WDPCP: variants seen among roughly 807,000 people sequenced by gnomAD.
WDPCP encodes WD repeat containing planar cell polarity effector.
WDPCP carries 71 observed loss-of-function variants against 93.1 expected under a neutral mutation model. The ratio of observed to expected loss-of-function variants is 0.76; its 90% CI spans 0.63 to 0.93. WDPCP has a LOEUF of 0.93. Ranked by LOEUF, WDPCP falls within the 40% of genes least tolerant of loss-of-function variation. The pLI is 0.00. For missense variants in WDPCP, 844 were observed against 887.4 expected, an observed-to-expected ratio of 0.95 and a Z score of 0.62; for synonymous variants, 315 against 315.0, an observed-to-expected ratio of 1.00 and a Z score of 0.00.
chr2:63,517,087 T>A (rs1702603500), intron 1 of WDPCP, among the ~76,000 whole-genome samples: 1 of 152,166 alleles, frequency 6.6e-6, no homozygotes. Context: ...CATCCTAATC[T>A]TTCTATTTCT....
chr2:63,837,824 G>A, the WDPCP span, among the ~76,000 whole-genome samples: 46 of 152,194 alleles, frequency 3.0e-4, no homozygotes, highest in Non-Finnish European at 5.3e-4. Context: ...AGAGAGTAGG[G>A]GCGGGCCTGT....
chr2:63,230,927 C>G (rs1678814744), intron 14 of WDPCP, among the ~76,000 whole-genome samples: 1 of 152,108 alleles, frequency 6.6e-6, no homozygotes, highest in Non-Finnish European at 1.5e-5. Context: ...TGCAGAAGCT[C>G]CTTAATTTAA....
At chr2:63,248,248 A>G (rs997570887) in intron 14 of WDPCP, among the ~76,000 whole-genome samples, 6 of 152,186 alleles carry the variant, frequency 3.9e-5, no homozygotes, top group African/African-American at 1.4e-4. Context: ...TTCTTGGTTA[A>G]TCTTTATTTT....
At chr2:63,391,020 A>C (rs932863452) in intron 10 of WDPCP, among the ~76,000 whole-genome samples, 1 of 152,144 alleles carries the variant, frequency 6.6e-6, no homozygotes, top group African/African-American at 2.4e-5. Flanking sequence ...AAAAGAGGGA[A>C]TCCTCCCTAA....
At chr2:63,186,897 C>T (rs1674684713) in intron 14 of WDPCP, among the ~76,000 whole-genome samples, 1 of 151,430 alleles carries the variant, frequency 6.6e-6, no homozygotes, top group Admixed American at 6.6e-5. Flanking sequence ...AAGAGAAGTC[C>T]TTTATTTCTT....
chr2:63,696,690 AAGAGTCAG>A (rs1451454831), intron 2 of WDPCP, among the ~76,000 whole-genome samples: 1 of 152,232 alleles, frequency 6.6e-6, no homozygotes, highest in Non-Finnish European at 1.5e-5. Context: ...TAATTGGGTA[AAGAGTCAG>A]AGTATATGAC....
chr2:63,421,683 G>C (rs1190622932), intron 9 of WDPCP, among the ~76,000 whole-genome samples: 1 of 152,122 alleles, frequency 6.6e-6, no homozygotes, highest in Non-Finnish European at 1.5e-5. Context: ...GAGTACTACA[G>C]ATTTTTAATG....
At chr2:63,448,331 T>C (rs748344127) in intron 6 of WDPCP, among the ~76,000 whole-genome samples, 1 of 152,068 alleles carries the variant, frequency 6.6e-6, no homozygotes, top group African/African-American at 2.4e-5. Context: ...CATGAAATAA[T>C]AATCTTTGAA....
chr2:63,282,775 A>G (rs1053870286), intron 13 of WDPCP, among the ~76,000 whole-genome samples: 2 of 152,190 alleles, frequency 1.3e-5, no homozygotes, highest in Admixed American at 1.3e-4. Flanking sequence ...AGTATTAATG[A>G]GGGATTTGTC....
chr2:63,671,414 G>A (rs565774568), intron 2 of WDPCP, among the ~76,000 whole-genome samples: 1 of 152,184 alleles, frequency 6.6e-6, no homozygotes, highest in Admixed American at 6.5e-5. Flanking sequence ...AACTCCAGCA[G>A]TGTAGGATGC....
chr2:63,414,838 A>T (rs1441185084), intron 9 of WDPCP, among the ~76,000 whole-genome samples: 1 of 152,178 alleles, frequency 6.6e-6, no homozygotes, highest in Admixed American at 6.5e-5. Flanking sequence ...ACTTACTCAT[A>T]TAACCAAATA....
At chr2:63,154,533 GTTTA>G (rs546927162) in intron 15 of WDPCP, among the ~76,000 whole-genome samples, 86 of 152,230 alleles carry the variant, frequency 5.6e-4, no homozygotes, top group African/African-American at 2.0e-3. Context: ...GTGTGTACCA[GTTTA>G]TTTATTCACC....
At chr2:63,468,449 C>T (rs1033022056) in intron 6 of WDPCP, among the ~76,000 whole-genome samples, 3 of 152,188 alleles carry the variant, frequency 2.0e-5, no homozygotes, top group Non-Finnish European at 4.4e-5. Flanking sequence ...ACCCCACAGC[C>T]TCTCATCCCA....
intron 1 of WDPCP, among the ~76,000 whole-genome samples, chr2:63,537,660 G>A (rs79491882): frequency 0.029 from 4,465 of 152,114 alleles, 102 homozygotes; most frequent in Non-Finnish European, 0.043. Context: ...CCCTTCTCCT[G>A]ACTAATGCTT....
At chr2:63,529,723 G>T in intron 1 of WDPCP, among the ~76,000 whole-genome samples, 1 of 152,162 alleles carries the variant, frequency 6.6e-6, no homozygotes, top group East Asian at 1.9e-4. Context: ...GATGATGCTG[G>T]CCTCATAAAA....
chr2:63,703,367 A>G (rs1486367085), intron 2 of WDPCP, among the ~76,000 whole-genome samples: 2 of 152,046 alleles, frequency 1.3e-5, no homozygotes, highest in Admixed American at 6.5e-5. Flanking sequence ...ATTTCTCCAC[A>G]TCCTCTCCAG....
At chr2:63,527,238 T>A (rs2106202414) in intron 1 of WDPCP, among the ~76,000 whole-genome samples, 1 of 151,428 alleles carries the variant, frequency 6.6e-6, no homozygotes, top group African/African-American at 2.4e-5. Flanking sequence ...TTTTTTTTTT[T>A]ACTTTAAGTT....
chr2:63,599,010 T>TA (rs1244819845), intron 3 of WDPCP, among the ~76,000 whole-genome samples: 1 of 152,250 alleles, frequency 6.6e-6, no homozygotes, highest in Admixed American at 6.5e-5. Flanking sequence ...AAAAGATTTT[T>TA]ATAACTTAAA....
At chr2:63,527,470 T>C (rs947299638) in intron 1 of WDPCP, among the ~76,000 whole-genome samples, 3 of 150,204 alleles carry the variant, frequency 2.0e-5, no homozygotes, top group Non-Finnish European at 4.4e-5. Context: ...ACATGCAGTG[T>C]TTGGTTTTCT....
Sources: gnomAD v4.1 joint callset for allele counts (sites outside exome capture counted in the v4.1 genomes callset) on GRCh38, gnomAD v4.1.1 for gene constraint, MANE v1.5 for transcripts, NCBI Gene and HGNC (gene_info 2026-07-23, HGNC 2026-07-21) for gene names.